The following DLGAP1 variants were observed in gnomAD, a reference collection of about 807,000 sequenced individuals.
The protein encoded by DLGAP1 is disks large-associated protein 1.
DLGAP1 carries 11 observed loss-of-function variants against 90.8 expected under a neutral mutation model. That is an observed-to-expected ratio of 0.12 (90% CI 0.08 to 0.20). DLGAP1 has a LOEUF of 0.20. Ranked by LOEUF, DLGAP1 falls within the 10% of genes least tolerant of loss-of-function variation. The pLI is 1.00. For missense variants in DLGAP1, 1,050 were observed against 1,333.8 expected, an observed-to-expected ratio of 0.79 and a Z score of 3.31; for synonymous variants, 558 against 540.7, an observed-to-expected ratio of 1.03 and a Z score of -0.44.
chr18:4,216,643 G>A (rs1337803706), intron 1 of DLGAP1, among the ~76,000 whole-genome samples: 1 of 152,114 alleles, frequency 6.6e-6, no homozygotes, highest in African/African-American at 2.4e-5. Flanking sequence ...GACAAGCACA[G>A]AAGGCTTAGA....
At chr18:3,895,601 T>C (rs2071602809) in intron 3 of DLGAP1, among the ~76,000 whole-genome samples, 1 of 152,220 alleles carries the variant, frequency 6.6e-6, no homozygotes. Context: ...AACAAGATAT[T>C]TTCATGGGAA....
intron 1 of DLGAP1, among the ~76,000 whole-genome samples, chr18:4,345,224 T>A (rs1057371527): frequency 2.2e-4 from 33 of 151,670 alleles, no homozygotes; most frequent in Non-Finnish European, 3.4e-4. Flanking sequence ...CCCTTTTTTT[T>A]AATCTCTCCC....
chr18:4,079,454 T>A (rs75730687), intron 2 of DLGAP1, among the ~76,000 whole-genome samples: 1,862 of 152,082 alleles, frequency 0.012, 32 homozygotes, highest in African/African-American at 0.041. Context: ...AAATACCCTG[T>A]ATTCTCACTT....
intron 8 of DLGAP1, among the ~76,000 whole-genome samples, chr18:3,575,167 C>T (rs960901309): frequency 6.6e-6 from 1 of 152,088 alleles, no homozygotes; most frequent in Non-Finnish European, 1.5e-5. Context: ...TTGGTTTGTA[C>T]TTTACTTGGC....
At position 4,342,668 on chromosome 18, in the gene DLGAP1, C is replaced by A. The variant is rs1187853253; in HGVS notation, c.-267+112338G>T. The stretch of plus-strand genomic sequence containing the variant: ...GTATTTGTTTTGGTTTTGGTTAATA[C>A]TACATTTGCCACAAATCTGCAGATG... On this transcript the variant is annotated intron_variant, in intron 1 of 12. Transcript: ENST00000315677. This position sits in a 1 kb window ranked among gnomAD's most constrained non-coding sequence, Gnocchi z 5.8. Among the ~76,000 whole-genome samples, 1 of 152,156 alleles carries A rather than the reference C, an allele frequency of 6.6e-6. No homozygotes were observed. Among genetic ancestry groups the A allele is most frequent in the African/African-American group, 2.4e-5 (1 of 41,434 alleles).
At chr18:4,246,316 G>T (rs1052164411) in intron 1 of DLGAP1, among the ~76,000 whole-genome samples, 2 of 152,112 alleles carry the variant, frequency 1.3e-5, no homozygotes, top group African/African-American at 4.8e-5. Context: ...ATTTCAGGAA[G>T]GCCAAACAAA....
chr18:4,135,790 C>CTTTTTTTTTTTT (rs58513784), intron 2 of DLGAP1, among the ~76,000 whole-genome samples: 2 of 127,344 alleles, frequency 1.6e-5, no homozygotes, highest in African/African-American at 3.0e-5. Flanking sequence ...GAATCTGATT[C>CTTTTTTTTTTTT]TTTTTTTTTT....
At chr18:3,515,207 A>T (rs2050759729) in intron 10 of DLGAP1, among the ~76,000 whole-genome samples, 1 of 152,186 alleles carries the variant, frequency 6.6e-6, no homozygotes, top group Non-Finnish European at 1.5e-5. Context: ...GCGGTGGCTC[A>T]CGCCTGTAAT....
chr18:3,739,564 G>A (rs2147616229), intron 6 of DLGAP1, among the ~76,000 whole-genome samples: 1 of 145,196 alleles, frequency 6.9e-6, no homozygotes, highest in East Asian at 2.1e-4. Flanking sequence ...CTCATAGGTG[G>A]GAATTGAACA....
chr18:4,384,953 C>A lies in DLGAP1; in HGVS notation c.-267+70053G>T, dbSNP rs1222798114. On this transcript the variant is annotated intron_variant, in intron 1 of 12. Coordinates refer to ENST00000315677, the MANE Select transcript of DLGAP1 (RefSeq NM_004746.4). ...AACCCCTGCTCCTTTTCTCTCCACTCCCTTTATCTTCTTTGCTGATTCCGA... is the reference window on the plus strand; with the variant it reads ...AACCCCTGCTCCTTTTCTCTCCACTACCTTTATCTTCTTTGCTGATTCCGA... Among the ~76,000 whole-genome samples, 8 of 152,126 alleles carry A rather than the reference C, an allele frequency of 5.3e-5. No individual in the cohort carries two copies. In the East Asian group the frequency reaches 1.5e-3, roughly 29 times the overall value.
chr18:4,406,808 T>C (rs2082673835), intron 1 of DLGAP1, among the ~76,000 whole-genome samples: 1 of 152,204 alleles, frequency 6.6e-6, no homozygotes, highest in Admixed American at 6.5e-5. Flanking sequence ...AGAAATCTTA[T>C]AAGCATGAGA....
At chr18:3,951,568 AGAG>A (rs1172664511) in intron 3 of DLGAP1, among the ~76,000 whole-genome samples, 2 of 152,238 alleles carry the variant, frequency 1.3e-5, no homozygotes, top group African/African-American at 4.8e-5. Context: ...TCTGGTTTAC[AGAG>A]AAGAAAAGTT....
chr18:3,888,114 A>AAAAAAAAAAAAAAAAAAAAAC (rs1414652450), intron 3 of DLGAP1, among the ~76,000 whole-genome samples: 9 of 146,428 alleles, frequency 6.1e-5, no homozygotes, highest in African/African-American at 2.3e-4. Context: ...TCTCAAAAAA[A>AAAAAAAAAAAAAAAAAAAAAC]AAAAAAAAAA....
chr18:3,757,110 C>A (rs1186515416), intron 5 of DLGAP1, among the ~76,000 whole-genome samples: 1 of 152,026 alleles, frequency 6.6e-6, no homozygotes, highest in Non-Finnish European at 1.5e-5. Context: ...GAGATCAAAG[C>A]CAAAGATACT....
At chr18:4,069,064 T>G (rs192372676) in intron 2 of DLGAP1, among the ~76,000 whole-genome samples, 1 of 152,310 alleles carries the variant, frequency 6.6e-6, no homozygotes, top group Non-Finnish European at 1.5e-5. Context: ...CTATTTACAT[T>G]TTATGATTGC....
chr18:4,028,625 A>T (rs1302938252), intron 2 of DLGAP1, among the ~76,000 whole-genome samples: 1 of 152,228 alleles, frequency 6.6e-6, no homozygotes, highest in African/African-American at 2.4e-5. Context: ...AATAAAACTT[A>T]AAAGAAAAAA....
chr18:4,447,383 A>G lies in DLGAP1; in HGVS notation c.-267+7623T>C, dbSNP rs115616015. ...TTACAGTAAGGTAAAGAAGACTACAAGAGCATTATTACTACTTATAAATAG... is the reference window on the plus strand; with the variant it reads ...TTACAGTAAGGTAAAGAAGACTACAGGAGCATTATTACTACTTATAAATAG... On this transcript the variant is annotated intron_variant, in intron 1 of 12. Coordinates refer to ENST00000315677, the MANE Select transcript of DLGAP1 (RefSeq NM_004746.4). Among the ~76,000 whole-genome samples, 639 of 152,364 alleles carry G rather than the reference A, an allele frequency of 4.2e-3. 6 individuals are homozygous for G. Among genetic ancestry groups the G allele is most frequent in the African/African-American group, 0.014 (586 of 41,592 alleles).
chr18:3,505,821 C>T (rs114381106), intron 11 of DLGAP1, among the ~76,000 whole-genome samples: 1,538 of 152,130 alleles, frequency 0.01, 29 homozygotes, highest in African/African-American at 0.036. Context: ...CCTCAGTCTA[C>T]CTAAAATATG....
intron 4 of DLGAP1, among the ~76,000 whole-genome samples, chr18:3,814,694 A>G (rs569534019): frequency 6.6e-6 from 1 of 152,334 alleles, no homozygotes. Flanking sequence ...TATAGAGTAC[A>G]TGAGCTATTT....
Sources: gnomAD v4.1 joint callset for allele counts (sites outside exome capture counted in the v4.1 genomes callset) on GRCh38, gnomAD v4.1.1 for gene constraint, Gnocchi (gnomAD v3.1) non-coding constraint, MANE v1.5 for transcripts, NCBI Gene and HGNC (gene_info 2026-07-23, HGNC 2026-07-21) for gene names.